Variants in NKAIN3 observed in about 807,000 individuals in gnomAD.
NKAIN3 encodes sodium/potassium transporting ATPase interacting 3.
In NKAIN3, 25 loss-of-function variants were observed where a neutral mutation model predicts 30.2. The observed-to-expected ratio is 0.83, with a 90% CI of 0.60 to 1.16. The LOEUF is 1.16. Ranked by LOEUF, NKAIN3 falls within the 50% of genes most tolerant of loss-of-function variation. The probability of loss-of-function intolerance (pLI) is 0.00; values close to 1 mark genes in which losing one functional copy is unlikely to be tolerated. For missense variants in NKAIN3, 225 were observed against 254.1 expected (o/e 0.89, Z 0.78); for synonymous variants, 91 against 89.6 (o/e 1.02, Z -0.09).
chr8:62,584,649 A>G (rs1810414166), intron 2 of NKAIN3, among the ~76,000 whole-genome samples: 1 of 152,202 alleles, frequency 6.6e-6, no homozygotes, highest in Non-Finnish European at 1.5e-5. Flanking sequence ...TTGCCTCTTC[A>G]GTTTGCACAT....
At chr8:62,706,786 C>G (rs1160352691) in intron 3 of NKAIN3, among the ~76,000 whole-genome samples, 4 of 151,828 alleles carry the variant, frequency 2.6e-5, no homozygotes, top group African/African-American at 9.7e-5. Context: ...ACTCGTCACC[C>G]AAGCAGTATA....
At chr8:62,525,944 G>A (rs1808292533) in intron 1 of NKAIN3, among the ~76,000 whole-genome samples, 1 of 152,136 alleles carries the variant, frequency 6.6e-6, no homozygotes, top group Non-Finnish European at 1.5e-5. Context: ...CAGAATACAA[G>A]TTACAACACG....
chr8:62,623,797 CA>C (rs1811700336), intron 3 of NKAIN3, among the ~76,000 whole-genome samples: 1 of 151,798 alleles, frequency 6.6e-6, no homozygotes, highest in African/African-American at 2.4e-5. Context: ...GGAGCTCACA[CA>C]AAAAGAATTC....
chr8:62,616,282 A>C (rs1811452169), intron 3 of NKAIN3, among the ~76,000 whole-genome samples: 1 of 152,032 alleles, frequency 6.6e-6, no homozygotes, highest in Non-Finnish European at 1.5e-5. Flanking sequence ...CCTACATCTC[A>C]TTCCAGCTAC....
At chr8:62,513,857 CAAAAAAAAAAAAAAAAA>C (rs10608416) in intron 1 of NKAIN3, among the ~76,000 whole-genome samples, 4 of 52,616 alleles carry the variant, frequency 7.6e-5, no homozygotes, top group African/African-American at 3.2e-4. Flanking sequence ...AAACCTGTCT[CAAAAAAAAAAAAAAAAA>C]AAAAAAAAAA....
chr8:62,595,783 G>T (rs958259751), intron 3 of NKAIN3, among the ~76,000 whole-genome samples: 1 of 151,920 alleles, frequency 6.6e-6, no homozygotes, highest in Non-Finnish European at 1.5e-5. Context: ...GTGCAGTTGA[G>T]ATTTCCTCGG....
chr8:62,930,338 C>G (rs945400676), intron 5 of NKAIN3, among the ~76,000 whole-genome samples: 5 of 152,122 alleles, frequency 3.3e-5, no homozygotes, highest in African/African-American at 1.2e-4. Context: ...ACTGCAACCT[C>G]CGCCTCTCCG....
chr8:62,276,452 A>G (rs761924261), intron 1 of NKAIN3, among the ~76,000 whole-genome samples: 10 of 152,234 alleles, frequency 6.6e-5, no homozygotes, highest in Non-Finnish European at 1.2e-4. Context: ...AGCACTGGAT[A>G]TAAGAAAAGA....
At chr8:62,957,815 T>C (rs1823464851) in intron 6 of NKAIN3, among the ~76,000 whole-genome samples, 1 of 152,154 alleles carries the variant, frequency 6.6e-6, no homozygotes, top group African/African-American at 2.4e-5. Flanking sequence ...TCCAAACCCA[T>C]GGAATGTACA....
chr8:62,568,261 A>C (rs928142862), intron 1 of NKAIN3, among the ~76,000 whole-genome samples: 3 of 152,192 alleles, frequency 2.0e-5, no homozygotes, highest in Non-Finnish European at 2.9e-5. Flanking sequence ...CAGAGCATAA[A>C]TACACTAAGT....
intron 1 of NKAIN3, among the ~76,000 whole-genome samples, chr8:62,261,673 A>G (rs370230586): frequency 6.6e-6 from 1 of 150,660 alleles, no homozygotes; most frequent in African/African-American, 2.4e-5. Flanking sequence ...TCCCCACATC[A>G]AAATACTAAA....
chr8:62,480,792 AG>A (rs1311946337), intron 1 of NKAIN3, among the ~76,000 whole-genome samples: 2 of 152,116 alleles, frequency 1.3e-5, no homozygotes, highest in Admixed American at 1.3e-4. Flanking sequence ...AATAATGATG[AG>A]CAGTAGGTCC....
chr8:62,916,992 G>A (rs1822126196), intron 4 of NKAIN3, among the ~76,000 whole-genome samples: 1 of 151,860 alleles, frequency 6.6e-6, no homozygotes, highest in Non-Finnish European at 1.5e-5. Context: ...AGCCTCCCTG[G>A]TTTGCCACTT....
chr8:62,707,611 G>C (rs1330310088), intron 3 of NKAIN3, among the ~76,000 whole-genome samples: 2 of 152,064 alleles, frequency 1.3e-5, no homozygotes, highest in Non-Finnish European at 2.9e-5. Flanking sequence ...GTTCATTGTA[G>C]ATTCTGGATG....
At chr8:62,427,116 G>T (rs1302769299) in intron 1 of NKAIN3, among the ~76,000 whole-genome samples, 1 of 152,062 alleles carries the variant, frequency 6.6e-6, no homozygotes, top group African/African-American at 2.4e-5. Flanking sequence ...TCAATCCAGA[G>T]AAAGCTACAA....
chr8:62,718,798 T>A (rs979487726), intron 3 of NKAIN3, among the ~76,000 whole-genome samples: 1 of 152,210 alleles, frequency 6.6e-6, no homozygotes, highest in Non-Finnish European at 1.5e-5. Context: ...CTCTAATTCT[T>A]TTATAGTTTA....
intron 4 of NKAIN3, among the ~76,000 whole-genome samples, chr8:62,857,743 T>C (rs1157572569): frequency 2.0e-5 from 3 of 152,224 alleles, no homozygotes; most frequent in Non-Finnish European, 4.4e-5. Context: ...TTCTGCATTG[T>C]TTTATTATGA....
At chr8:62,600,695 T>C (rs1439941728) in intron 3 of NKAIN3, among the ~76,000 whole-genome samples, 4 of 152,096 alleles carry the variant, frequency 2.6e-5, no homozygotes, top group Admixed American at 2.6e-4. Flanking sequence ...TTTTGATTCT[T>C]GGAGAAATTT....
At chr8:62,671,255 C>T (rs749106395) in intron 3 of NKAIN3, among the ~76,000 whole-genome samples, 8 of 152,014 alleles carry the variant, frequency 5.3e-5, no homozygotes, top group Admixed American at 3.3e-4. Context: ...TACATGACAA[C>T]GTTTTCCTTT....
Sources: allele counts gnomAD v4.1 joint callset (sites outside exome capture counted in the v4.1 genomes callset), GRCh38; gene constraint gnomAD v4.1.1; transcripts MANE v1.5; gene names NCBI Gene and HGNC (gene_info 2026-07-23, HGNC 2026-07-21).